Variants in PCDHGA7 observed in about 807,000 individuals in gnomAD.
PCDHGA7 encodes the protein protocadherin gamma-A7.
Under a neutral mutation model 58.3 loss-of-function variants are expected in PCDHGA7, and 44 were observed. That is an observed-to-expected ratio of 0.75 (90% CI 0.59 to 0.97). PCDHGA7 has a LOEUF of 0.97. PCDHGA7 is among the 50% of genes least tolerant of loss of function. The probability of loss-of-function intolerance (pLI) is 0.00; values close to 1 mark genes in which losing one functional copy is unlikely to be tolerated. For synonymous variants in PCDHGA7, 516 were observed against 504.2 expected, an observed-to-expected ratio of 1.02 and a Z score of -0.31; for missense variants, 1,266 against 1,188.7, an observed-to-expected ratio of 1.06 and a Z score of -0.96.
Position 141,490,835 on chromosome 5 carries a change from T to C in PCDHGA7, c.2425-3972T>C, listed in dbSNP as rs1284804400. 4 of 1,613,728 alleles carry C rather than the reference T, an allele frequency of 2.5e-6. No individual in the cohort carries two copies. The highest frequency in any genetic ancestry group is 1.1e-5 in the South Asian group (1 of 91,076). On this transcript the variant is annotated intron_variant, in intron 1 of 3. Transcript: ENST00000518325. This position sits in a 1 kb window ranked among gnomAD's most constrained non-coding sequence, Gnocchi z 5.4. ...TATGAATTGCTGCAGATGCTGCAGATTGTGGTGGGGGTTCGAGACTCCGGC... is the reference window on the plus strand; with the variant it reads ...TATGAATTGCTGCAGATGCTGCAGACTGTGGTGGGGGTTCGAGACTCCGGC...
chr5:141,490,132 A>G lies in PCDHGA7; in HGVS notation c.2425-4675A>G, dbSNP rs1245562757. The G allele has an allele frequency of 3.7e-6, 6 of 1,614,102 alleles. No homozygotes were observed. In the African/African-American group the frequency reaches 4.0e-5, roughly 11 times the overall value. ...GCGGAACCTCTTTGGCCTAGACCCTAGCAGTGGGGCAATCCATGTGTTGGG... is the reference window on the plus strand; with the variant it reads ...GCGGAACCTCTTTGGCCTAGACCCTGGCAGTGGGGCAATCCATGTGTTGGG... On this transcript the variant is annotated intron_variant, in intron 1 of 3. Coordinates refer to ENST00000518325, the MANE Select transcript of PCDHGA7 (RefSeq NM_018920.4). The surrounding 1 kb of genome is among the most constrained non-coding windows in gnomAD (Gnocchi z 5.4).
intron 2 of PCDHGA7, among the ~76,000 whole-genome samples, chr5:141,503,595 G>A (rs6892628): frequency 7.1e-6 from 1 of 140,086 alleles, no homozygotes. Context: ...CGAGACTCCA[G>A]CTCAAAAAAA....
chr5:141,454,675 G>A (rs973403044), intron 1 of PCDHGA7, among the ~76,000 whole-genome samples: 8 of 151,764 alleles, frequency 5.3e-5, no homozygotes, highest in Non-Finnish European at 1.0e-4. Context: ...CAAAACACTG[G>A]GATTACAGGC....
chr5:141,403,984 A>C, intron 1 of PCDHGA7: 1 of 1,613,892 alleles, frequency 6.2e-7, no homozygotes, highest in South Asian at 1.1e-5. Flanking sequence ...ATGACAATAG[A>C]CCTGAAGTGA....
At chr5:141,388,439 A>G (rs1209677690) in intron 1 of PCDHGA7, 10 of 1,613,896 alleles carry the variant, frequency 6.2e-6, no homozygotes, top group Non-Finnish European at 8.5e-6. Context: ...ATAAAGAGAA[A>G]TCAGATGGCA....
chr5:141,452,358 T>C (rs2098739424), intron 1 of PCDHGA7, among the ~76,000 whole-genome samples: 1 of 152,236 alleles, frequency 6.6e-6, no homozygotes, highest in African/African-American at 2.4e-5. Context: ...CCAAAAGCCT[T>C]GCTTCATTTT....
chr5:141,496,338 G>A (rs1011495959), intron 2 of PCDHGA7, among the ~76,000 whole-genome samples: 5 of 152,230 alleles, frequency 3.3e-5, no homozygotes, highest in African/African-American at 9.6e-5. Flanking sequence ...TCAGGAGCCT[G>A]GAGGAGTCTC....
chr5:141,410,462 CTG>C (rs1258642453), intron 1 of PCDHGA7: 1 of 1,613,924 alleles, frequency 6.2e-7, no homozygotes, highest in East Asian at 2.2e-5. Context: ...TTCTTATAAT[CTG>C]TGCATTGCAC....
At chr5:141,502,139 C>G (rs923501238) in intron 2 of PCDHGA7, among the ~76,000 whole-genome samples, 1 of 152,104 alleles carries the variant, frequency 6.6e-6, no homozygotes, top group Non-Finnish European at 1.5e-5. Flanking sequence ...TCAGTCGGGC[C>G]GGAAGTAAGG....
intron 1 of PCDHGA7, among the ~76,000 whole-genome samples, chr5:141,492,893 C>T (rs936521362): frequency 2.0e-5 from 3 of 152,178 alleles, no homozygotes; most frequent in Admixed American, 6.5e-5. Flanking sequence ...AGGCTTTTGG[C>T]GCCGTCGTGA....
intron 1 of PCDHGA7, among the ~76,000 whole-genome samples, chr5:141,452,578 C>T (rs2098744735): frequency 6.6e-6 from 1 of 152,150 alleles, no homozygotes; most frequent in African/African-American, 2.4e-5. Flanking sequence ...TCCCCCTTTC[C>T]ATCTTTGTAT....
At chr5:141,496,602 C>T (rs981108050) in intron 2 of PCDHGA7, among the ~76,000 whole-genome samples, 1 of 152,150 alleles carries the variant, frequency 6.6e-6, no homozygotes, top group Non-Finnish European at 1.5e-5. Flanking sequence ...TCTTAGAAGG[C>T]CCCTAAAAAG....
intron 1 of PCDHGA7, chr5:141,418,650 T>A (rs764145825): frequency 5.0e-6 from 8 of 1,613,898 alleles, no homozygotes; most frequent in South Asian, 2.2e-5. Flanking sequence ...ATCCTGAGAG[T>A]GAAGGCCACT....
intron 1 of PCDHGA7, chr5:141,399,518 G>C (rs2093824828): frequency 6.2e-7 from 1 of 1,613,994 alleles, no homozygotes. Flanking sequence ...AACCCTCCTG[G>C]GGCCTCCATC....
chr5:141,430,276 G>C (rs2097271928), intron 1 of PCDHGA7, among the ~76,000 whole-genome samples: 1 of 151,720 alleles, frequency 6.6e-6, no homozygotes, highest in South Asian at 2.1e-4. Context: ...TGTGTTGGGG[G>C]AACAGTAATC....
At position 141,430,974 on chromosome 5, in the gene PCDHGA7, C is replaced by T. The variant is rs141488923; in HGVS notation, c.2424+45651C>T. The T allele has an allele frequency of 7.0e-4, 1,130 of 1,613,070 alleles. 8 individuals carry two copies. In the African/African-American group the frequency reaches 0.014, roughly 19 times the overall value. On this transcript the variant is annotated intron_variant, in intron 1 of 3. Transcript: ENST00000518325. ...GTCCGCATCATCCCCAGAGGTAGGA[C>T]GCAGCTTTTCGCCCTGAATCCGCGC...
At chr5:141,409,071 A>G in intron 1 of PCDHGA7, 4 of 1,613,996 alleles carry the variant, frequency 2.5e-6, no homozygotes, top group Non-Finnish European at 3.4e-6. Context: ...AGCACAAAAC[A>G]TATGTTCTCA....
chr5:141,394,918 G>A, intron 1 of PCDHGA7: 1 of 1,613,812 alleles, frequency 6.2e-7, no homozygotes, highest in Non-Finnish European at 8.5e-7. Context: ...GCCATCTCCT[G>A]TGTCTTCCTC....
At chr5:141,469,700 T>TA (rs1483261429) in intron 1 of PCDHGA7, among the ~76,000 whole-genome samples, 1 of 152,272 alleles carries the variant, frequency 6.6e-6, no homozygotes, top group African/African-American at 2.4e-5. Context: ...TATGACCTAG[T>TA]AATCACACTA....
Sources: allele counts gnomAD v4.1 joint callset (sites outside exome capture counted in the v4.1 genomes callset), GRCh38; gene constraint gnomAD v4.1.1; non-coding constraint Gnocchi (gnomAD v3.1); transcripts MANE v1.5; gene names NCBI Gene and HGNC (gene_info 2026-07-23, HGNC 2026-07-21).